COMMD1: variants seen among roughly 807,000 people sequenced by gnomAD.
COMMD1 encodes the protein copper metabolism domain containing 1.
In COMMD1, 10 loss-of-function variants were observed where a neutral mutation model predicts 17.2. The observed-to-expected ratio is 0.58, with a 90% confidence interval of 0.36 to 0.99. COMMD1 has a LOEUF of 0.99. COMMD1 is among the 50% of genes least tolerant of loss of function. The probability of loss-of-function intolerance (pLI) is 0.01; values close to 1 mark genes in which losing one functional copy is unlikely to be tolerated. For synonymous variants in COMMD1, 97 were observed against 91.6 expected (o/e 1.06, Z -0.34); for missense variants, 270 against 231.8 (o/e 1.17, Z -1.07).
chr2:62,083,572 T>C (rs1009859006), intron 2 of COMMD1, among the ~76,000 whole-genome samples: 1 of 152,258 alleles, frequency 6.6e-6, no homozygotes, highest in Non-Finnish European at 1.5e-5. Flanking sequence ...TCTAAGTCAG[T>C]GTTCTTATAG....
intron 1 of COMMD1, among the ~76,000 whole-genome samples, chr2:61,961,242 A>G (rs933910139): frequency 6.6e-6 from 1 of 152,228 alleles, no homozygotes; most frequent in Admixed American, 6.5e-5. Flanking sequence ...AGAGTTATTT[A>G]TAACCTGACA....
intron 1 of COMMD1, among the ~76,000 whole-genome samples, chr2:61,984,319 C>T (rs1456259651): frequency 6.6e-6 from 1 of 152,226 alleles, no homozygotes; most frequent in East Asian, 1.9e-4. Context: ...AGCCACCGCG[C>T]TCAACCTGTT....
chr2:62,080,288 A>G (rs1289979932), intron 2 of COMMD1, among the ~76,000 whole-genome samples: 1 of 152,208 alleles, frequency 6.6e-6, no homozygotes, highest in Non-Finnish European at 1.5e-5. Flanking sequence ...CCCTGTCTCT[A>G]CAAAAATAAA....
At chr2:62,021,015 A>C (rs1444292021) in intron 2 of COMMD1, among the ~76,000 whole-genome samples, 1 of 152,090 alleles carries the variant, frequency 6.6e-6, no homozygotes, top group Non-Finnish European at 1.5e-5. Flanking sequence ...AAAAAAAAAA[A>C]AAACTCTACT....
At chr2:61,965,035 CA>C (rs1295763527) in intron 1 of COMMD1, among the ~76,000 whole-genome samples, 5 of 151,452 alleles carry the variant, frequency 3.3e-5, no homozygotes, top group Non-Finnish European at 5.9e-5. Flanking sequence ...GACTCCGTCT[CA>C]AAAAAAATTA....
At chr2:61,968,660 G>T (rs899757307) in intron 1 of COMMD1, among the ~76,000 whole-genome samples, 2 of 152,072 alleles carry the variant, frequency 1.3e-5, no homozygotes, top group African/African-American at 4.8e-5. Context: ...GGGCTCAAGT[G>T]ATCCTCCTAC....
rs562818131 is a variant in COMMD1 at position 61,898,433 on chromosome 2, G to A, written n.119+9591G>A. ...TGGGTTTGCAGTAAGCTGGGATCAC[G>A]CCACTGCACTGCAGCCTGGATGACA... On this transcript the variant is annotated intron_variant and non_coding_transcript_variant, in intron 1 of 2. Transcript: ENST00000472729. Among the ~76,000 whole-genome samples the A allele has an allele frequency of 2.2e-4, 34 of 152,258 alleles. No individual in the cohort carries two copies. The South Asian group carries it at 7.0e-3, about 32-fold the overall frequency.
rs116188248 is a variant in COMMD1 at position 61,953,538 on chromosome 2, C to G, written c.181-47163C>G. On this transcript the variant is annotated intron_variant, in intron 1 of 2. Coordinates refer to ENST00000311832, the MANE Select transcript of COMMD1 (RefSeq NM_152516.4). ...TGCACGCCACCATGCCACCTAATTT[C>G]TTTTGTATTTTAGTAGAGACAGGGT... 7.8e-3 allele frequency among the ~76,000 whole-genome samples: 1,190 copies of G among 151,732 alleles called. 20 individuals carry two copies. Among genetic ancestry groups the G allele is most frequent in the African/African-American group, 0.027 (1,124 of 41,404 alleles).
At chr2:62,031,560 T>C (rs1669908085) in intron 2 of COMMD1, among the ~76,000 whole-genome samples, 2 of 152,240 alleles carry the variant, frequency 1.3e-5, no homozygotes, top group African/African-American at 4.8e-5. Flanking sequence ...TTAACTCATA[T>C]CTGGTTTTTT....
At chr2:62,128,298 A>G (rs966428378) in intron 2 of COMMD1, among the ~76,000 whole-genome samples, 1 of 151,656 alleles carries the variant, frequency 6.6e-6, no homozygotes, top group Non-Finnish European at 1.5e-5. Flanking sequence ...TCTTCACTCC[A>G]GCCTGGGCGA....
At chr2:62,112,140 G>A (rs1327707212) in intron 2 of COMMD1, among the ~76,000 whole-genome samples, 1 of 152,192 alleles carries the variant, frequency 6.6e-6, no homozygotes, top group African/African-American at 2.4e-5. Context: ...CTGAGACTTT[G>A]CCAGTTTCTT....
chr2:61,957,398 T>G (rs981197343), intron 1 of COMMD1, among the ~76,000 whole-genome samples: 16 of 152,190 alleles, frequency 1.1e-4, no homozygotes, highest in African/African-American at 3.9e-4. Flanking sequence ...TGTAAAATAT[T>G]GCCATCTAAT....
intron 2 of COMMD1, among the ~76,000 whole-genome samples, chr2:62,054,701 A>G (rs535071513): frequency 3.1e-4 from 47 of 152,266 alleles, no homozygotes; most frequent in African/African-American, 1.1e-3. Context: ...GGAGACCTGG[A>G]AGGGAAAGGA....
chr2:62,083,556 G>A (rs1053790341), intron 2 of COMMD1, among the ~76,000 whole-genome samples: 3 of 152,116 alleles, frequency 2.0e-5, no homozygotes, highest in East Asian at 1.9e-4. Flanking sequence ...TGTCTCTCTC[G>A]AAGTGTCTAA....
chr2:61,905,944 C>G lies in COMMD1; in HGVS notation c.180+86C>G, dbSNP rs147554625. 19 of 1,352,226 alleles carry G rather than the reference C, an allele frequency of 1.4e-5. No individual in the cohort carries two copies. In the African/African-American group the frequency reaches 2.4e-4, roughly 17 times the overall value. The allele number at this position is 1,352,226 out of a possible 1,614,324, so 83.8% of individuals were successfully genotyped here. On this transcript the variant is annotated intron_variant, in intron 1 of 2. Transcript: ENST00000311832. The stretch of plus-strand genomic sequence containing the variant: ...CTCTCCCCCCCTTGCCTTCCCCTGT[C>G]CTCACAAGCCGAAAGGCTTTTCCCT...
Position 62,120,774 on chromosome 2 carries a change from G to A in COMMD1, c.463-15057G>A, listed in dbSNP as rs113217124. On this transcript the variant is annotated intron_variant, in intron 2 of 2. Coordinates refer to ENST00000311832, the MANE Select transcript of COMMD1 (RefSeq NM_152516.4). ...GGAGTCTTGCCCTGTCACCCAGGCTGGAGTGCAGTGGCGCAAACACAGCTC... is the reference window on the plus strand; with the variant it reads ...GGAGTCTTGCCCTGTCACCCAGGCTAGAGTGCAGTGGCGCAAACACAGCTC... Among the ~76,000 whole-genome samples, 637 of 152,118 alleles carry A rather than the reference G, an allele frequency of 4.2e-3. 4 individuals are homozygous for A. Among genetic ancestry groups the A allele is most frequent in the African/African-American group, 0.014 (587 of 41,484 alleles).
At chr2:61,916,500 C>G (rs532446608) in intron 1 of COMMD1, among the ~76,000 whole-genome samples, 35 of 152,270 alleles carry the variant, frequency 2.3e-4, no homozygotes, top group African/African-American at 7.5e-4. Context: ...TAGCTCACTG[C>G]AGCCTTGACT....
rs1239695346 is a variant in COMMD1, at chr2:61,920,979, A to ATT, written c.180+15122_180+15123insTT. On this transcript the variant is annotated intron_variant, in intron 1 of 2. Transcript: ENST00000311832. ...TATATATGTGTGTATATATATATAT[A>ATT]TATTTTTTTTTTTTTTGAGACAGAG... Among the ~76,000 whole-genome samples, 13 of 131,116 alleles carry ATT rather than the reference A, an allele frequency of 9.9e-5. No individual in the cohort carries two copies. The East Asian group carries it at 1.1e-3, about 11-fold the overall frequency. 86.0% of individuals were successfully genotyped at this position (131,116 alleles called of 152,430 possible). A position where few individuals can be genotyped will look rare whatever the true frequency, so the allele number is the denominator to read the frequency against.
chr2:62,009,657 T>C (rs1001543650), intron 2 of COMMD1, among the ~76,000 whole-genome samples: 8 of 151,904 alleles, frequency 5.3e-5, no homozygotes, highest in Admixed American at 4.6e-4. Context: ...AAAGTTGTTA[T>C]AATTTTTGCT....
Sources: gnomAD v4.1 joint callset for allele counts (sites outside exome capture counted in the v4.1 genomes callset) on GRCh38, gnomAD v4.1.1 for gene constraint, MANE v1.5 for transcripts, NCBI Gene and HGNC (gene_info 2026-07-23, HGNC 2026-07-21) for gene names.